The following SAMD3 variants were observed in gnomAD, a reference collection of about 807,000 sequenced individuals.
The protein encoded by SAMD3 is sterile alpha motif domain containing 3.
In SAMD3, 63 loss-of-function variants were observed where a neutral mutation model predicts 58.5. That is an observed-to-expected ratio of 1.08 (90% CI 0.88 to 1.33). The LOEUF (loss-of-function observed/expected upper bound fraction) is 1.33. Among genes scored for constraint, SAMD3 ranks in the 40% most tolerant of loss-of-function variants. The pLI, the probability that SAMD3 is intolerant of heterozygous loss-of-function variation, is 0.00. For missense variants in SAMD3, 604 were observed against 608.4 expected (o/e 0.99, Z 0.08); for synonymous variants, 220 against 210.3 (o/e 1.05, Z -0.40).
At chr6:130,292,369 C>T (rs903347360) in intron 2 of SAMD3, among the ~76,000 whole-genome samples, 6 of 151,088 alleles carry the variant, frequency 4.0e-5, no homozygotes, top group African/African-American at 1.5e-4. Context: ...TCACTGCAAC[C>T]TCCACCTCCC....
At chr6:130,311,648 G>A (rs1776169542) in intron 2 of SAMD3, among the ~76,000 whole-genome samples, 1 of 152,236 alleles carries the variant, frequency 6.6e-6, no homozygotes, top group African/African-American at 2.4e-5. Flanking sequence ...CAGAGTGGAG[G>A]TGGCTGCGCT....
intron 2 of SAMD3, among the ~76,000 whole-genome samples, chr6:130,290,477 C>T (rs923275305): frequency 2.0e-5 from 3 of 152,264 alleles, no homozygotes; most frequent in Admixed American, 6.5e-5. Context: ...AAATGTTAAT[C>T]GTATATAAAA....
At chr6:130,186,065 A>G (rs746912625) in intron 5 of SAMD3, among the ~76,000 whole-genome samples, 7 of 152,186 alleles carry the variant, frequency 4.6e-5, no homozygotes, top group Admixed American at 1.3e-4. Context: ...TGAAGACTCT[A>G]TAATATTAAT....
At chr6:130,216,216 A>T (rs1343040186) in intron 2 of SAMD3, among the ~76,000 whole-genome samples, 1 of 152,018 alleles carries the variant, frequency 6.6e-6, no homozygotes, top group Non-Finnish European at 1.5e-5. Context: ...TTTGTAATTC[A>T]ATCCAAAGGA....
At chr6:130,215,700 C>T in intron 2 of SAMD3, 1 of 1,452,076 alleles carries the variant, frequency 6.9e-7, no homozygotes, top group Non-Finnish European at 9.1e-7. Context: ...TTGACATTTA[C>T]AGAAGGGGTG....
chr6:130,214,605 TAG>T, intron 3 of SAMD3, 79 bp from the exon 4 acceptor site: 2 of 1,006,758 alleles, frequency 2.0e-6, no homozygotes, highest in Non-Finnish European at 2.8e-6. Context: ...AAATTACCTC[TAG>T]TGATAAAAGG....
chr6:130,188,773 T>G (rs1277589275), intron 5 of SAMD3, among the ~76,000 whole-genome samples: 3 of 152,200 alleles, frequency 2.0e-5, no homozygotes, highest in African/African-American at 7.2e-5. Context: ...TTTTCTTCCT[T>G]AACTTCCTTG....
Position 130,353,777 on chromosome 6 carries a change from G to C in SAMD3, c.-304+11343C>G, listed in dbSNP as rs567394975. Among the ~76,000 whole-genome samples the C allele has an allele frequency of 1.3e-5, 2 of 152,260 alleles. 1 individual carries two copies. The highest frequency in any genetic ancestry group is 4.2e-4 in the South Asian group (2 of 4,816). On this transcript the variant is annotated intron_variant, in intron 1 of 13. Transcript: ENST00000368134. ...CCCCTAAAAATCCGAGACTCACAGA[G>C]GGATACACATCTGTGTCTGCAGGCT...
intron 1 of SAMD3, among the ~76,000 whole-genome samples, chr6:130,221,146 G>T (rs191700170): frequency 2.6e-5 from 4 of 152,232 alleles, no homozygotes; most frequent in African/African-American, 7.2e-5. Flanking sequence ...GAGCCACCAC[G>T]CCCAGCCAGT....
intron 2 of SAMD3, among the ~76,000 whole-genome samples, chr6:130,228,531 T>A (rs886141855): frequency 5.9e-5 from 9 of 152,134 alleles, no homozygotes; most frequent in African/African-American, 1.7e-4. Context: ...TCCATATCTG[T>A]CCAATTACAT....
Position 130,215,247 on chromosome 6 carries a change from G to C in SAMD3, c.27C>G (p.Val9=). The change falls in exon 3 of 12, where the codon GTC becomes GTG. Residue 9 remains valine, a synonymous_variant. Coordinates refer to ENST00000439090, the MANE Select transcript of SAMD3 (RefSeq NM_001017373.4). METWSVEQ[V]CSWLVEKNLG... ...AATTTTTCTCCACCAACCAACTGCA[G>C]ACCTGCTCAACTGACCAGGTTTCCA... The C allele has an allele frequency of 6.2e-7, 1 of 1,611,054 alleles. No homozygotes were observed. Among genetic ancestry groups the C allele is most frequent in the Non-Finnish European group, 8.5e-7 (1 of 1,177,940 alleles).
intron 2 of SAMD3, among the ~76,000 whole-genome samples, chr6:130,239,480 T>C (rs1386239283): frequency 6.6e-6 from 1 of 152,200 alleles, no homozygotes; most frequent in Non-Finnish European, 1.5e-5. Flanking sequence ...AAGGCGTTTT[T>C]TGGTTCACCA....
At chr6:130,283,023 T>A (rs915355888) in intron 2 of SAMD3, among the ~76,000 whole-genome samples, 3 of 150,614 alleles carry the variant, frequency 2.0e-5, no homozygotes, top group Admixed American at 2.0e-4. Context: ...TTGTCCTAAA[T>A]GAATAAAAAA....
intron 8 of SAMD3, among the ~76,000 whole-genome samples, chr6:130,168,584 C>G (rs1034986761): frequency 6.6e-6 from 1 of 152,076 alleles, no homozygotes; most frequent in African/African-American, 2.4e-5. Context: ...TCTATTTATC[C>G]CTTCCCAAGA....
At chr6:130,183,738 C>T (rs994999996) in intron 7 of SAMD3, among the ~76,000 whole-genome samples, 1 of 152,028 alleles carries the variant, frequency 6.6e-6, no homozygotes, top group Non-Finnish European at 1.5e-5. Context: ...AGGACAGCAA[C>T]ATGATGACAG....
chr6:130,340,775 G>A (rs142143478), intron 1 of SAMD3, among the ~76,000 whole-genome samples: 63 of 152,302 alleles, frequency 4.1e-4, no homozygotes, highest in African/African-American at 1.5e-3. Flanking sequence ...ATATCATTTT[G>A]AGACTTTCTT....
At chr6:130,333,061 G>C (rs973633156) in intron 1 of SAMD3, among the ~76,000 whole-genome samples, 15 of 115,198 alleles carry the variant, frequency 1.3e-4, no homozygotes, top group African/African-American at 4.1e-4. Context: ...GTGTGTGTGT[G>C]TGTGTGTGTG....
intron 2 of SAMD3, among the ~76,000 whole-genome samples, chr6:130,308,383 C>CTATTCTATTCTATT (rs1562512955): frequency 9.3e-5 from 13 of 140,294 alleles, no homozygotes; most frequent in African/African-American, 2.8e-4. Flanking sequence ...CTATTCTATT[C>CTATTCTATTCTATT]TATTCTATTC....
chr6:130,215,127 C>T, intron 3 of SAMD3, 68 bp downstream of exon 3: 1 of 812,642 alleles, frequency 1.2e-6, no homozygotes. Flanking sequence ...AAGTAATTTT[C>T]AGTAACAGAG....
Sources: allele counts gnomAD v4.1 joint callset (sites outside exome capture counted in the v4.1 genomes callset), GRCh38; gene constraint gnomAD v4.1.1; transcripts MANE v1.5; gene names NCBI Gene and HGNC (gene_info 2026-07-23, HGNC 2026-07-21).